Variants in PRICKLE4 observed in about 807,000 individuals in gnomAD.
The protein encoded by PRICKLE4 is prickle-like protein 4.
PRICKLE4 carries 40 observed loss-of-function variants against 43.5 expected under a neutral mutation model. That is an observed-to-expected ratio of 0.92 (90% CI 0.71 to 1.20). PRICKLE4 has a LOEUF of 1.20. Ranked by LOEUF, PRICKLE4 falls within the 50% of genes most tolerant of loss-of-function variation. The probability of loss-of-function intolerance (pLI) is 0.00; values close to 1 mark genes in which losing one functional copy is unlikely to be tolerated. For missense variants in PRICKLE4, 527 were observed against 491.2 expected (o/e 1.07, Z -0.69); for synonymous variants, 208 against 197.4 (o/e 1.05, Z -0.45).
chr6:41,784,871 C>T (rs1772613352), intron 4 of PRICKLE4, 64 bp from the exon 5 acceptor site: 1 of 1,594,682 alleles, frequency 6.3e-7, no homozygotes, highest in Non-Finnish European at 8.5e-7. Context: ...CCTTTTTCCT[C>T]CAACCAATGC....
Position 41,786,949 on chromosome 6 carries a change from A to T in PRICKLE4, c.975A>T (p.Gln325His). The change falls in exon 8 of 8, where the codon CAA (glutamine) becomes CAT (histidine). Residue 325 changes from glutamine (Q) to histidine (H), a missense_variant. Coordinates refer to ENST00000458694, the MANE Select transcript of PRICKLE4 (RefSeq NM_013397.6). ...CGGAGGCACCCAAAGGGCAGGAGCA[A>T]TGCCGCCTGGAGACTATTCGTGATC... ...DKAEAPKGQE[Q>H]CRLETIRDPK... is the part of the protein sequence containing the mutation. 1 of 1,614,054 alleles carries T rather than the reference A, an allele frequency of 6.2e-7. No homozygotes were observed. The highest frequency in any genetic ancestry group is 8.5e-7 in the Non-Finnish European group (1 of 1,179,970).
At chr6:41,783,862 G>A (rs991732650) in intron 3 of PRICKLE4, 26 of 744,024 alleles carry the variant, frequency 3.5e-5, no homozygotes, top group Admixed American at 1.2e-4. Flanking sequence ...GCCCCAAGGC[G>A]TGAAGGGGGT....
intron 4 of PRICKLE4, chr6:41,784,657 T>C: frequency 1.9e-6 from 1 of 525,380 alleles, no homozygotes; most frequent in Non-Finnish European, 3.3e-6. Flanking sequence ...ACTGAGCTCT[T>C]AGCTCATTGG....
rs747041326 is a variant in PRICKLE4 at position 41,783,448 on chromosome 6, T to C, written c.-12-14T>C. Reference sequence around the variant, plus strand: ...GGCCTAATACATGGAGGTGTTCTTATTGTTTTGGGGTAGGCTTTGCCACAA... The same window carrying C: ...GGCCTAATACATGGAGGTGTTCTTACTGTTTTGGGGTAGGCTTTGCCACAA... On this transcript the variant is annotated splice_polypyrimidine_tract_variant and intron_variant, in intron 2 of 7. Coordinates refer to ENST00000458694, the MANE Select transcript of PRICKLE4 (RefSeq NM_013397.6). 7 of 1,468,044 alleles carry C rather than the reference T, an allele frequency of 4.8e-6. No individual in the cohort carries two copies. Among genetic ancestry groups the C allele is most frequent in the South Asian group, 2.4e-5 (2 of 83,014 alleles). 90.9% of individuals were successfully genotyped at this position (1,468,044 alleles called of 1,614,324 possible).
chr6:41,787,068 C>T lies in PRICKLE4; in HGVS notation c.1094C>T (p.Thr365Ile). ...GAGCGCCTTCCCCAGTCCTGGAAGA[C>T]CCCCGGAAGCCTCCAAGCAGAGGAC... Reference protein sequence around the residue: ...LGERLPQSWKTPGSLQAEDSN... With the variant: ...LGERLPQSWKIPGSLQAEDSN... Residue 365 changes from threonine (T) to isoleucine (I), a missense_variant, in exon 8 of 8, where the codon ACC becomes ATC. Coordinates refer to ENST00000458694, the MANE Select transcript of PRICKLE4 (RefSeq NM_013397.6). 3 of 1,613,138 alleles carry T rather than the reference C, an allele frequency of 1.9e-6. No homozygotes were observed. The highest frequency in any genetic ancestry group is 1.7e-4 in the Middle Eastern group (1 of 6,060).
chr6:41,783,662 C>A (rs887215398), intron 3 of PRICKLE4, 57 bp downstream of exon 3: 6 of 1,612,090 alleles, frequency 3.7e-6, no homozygotes, highest in South Asian at 1.1e-5. Flanking sequence ...TGTGGAGTGG[C>A]CACCCTTTTC....
chr6:41,783,734 G>A (rs774065173), intron 3 of PRICKLE4, 129 bp downstream of exon 3: 3 of 1,352,522 alleles, frequency 2.2e-6, no homozygotes, highest in East Asian at 2.4e-5. Flanking sequence ...CTCTTTTCAG[G>A]AATTCCTGTC....
intron 3 of PRICKLE4, 77 bp from the exon 4 acceptor site, chr6:41,784,054 G>A: frequency 1.9e-6 from 2 of 1,065,914 alleles, no homozygotes; most frequent in African/African-American, 1.6e-5. Context: ...AGAAGAGGTG[G>A]CAATGATGAG....
At chr6:41,786,061 G>T in intron 6 of PRICKLE4, 67 bp from the exon 7 acceptor site, 5 of 1,512,198 alleles carry the variant, frequency 3.3e-6, no homozygotes, top group Non-Finnish European at 4.6e-6. Flanking sequence ...TAAAAGGCGT[G>T]GTTACTGGAT....
rs868212923 is a variant in PRICKLE4 at position 41,787,378 on chromosome 6, C to A, written c.*249C>A. The A allele has an allele frequency of 1.6e-6, 1 of 630,680 alleles. No individual in the cohort carries two copies. The highest frequency in any genetic ancestry group is 2.7e-6 in the Non-Finnish European group (1 of 376,312). The allele number at this position is 630,680 out of a possible 1,614,324, so 39.1% of individuals were successfully genotyped here. On this transcript the variant is annotated 3_prime_UTR_variant, in exon 8 of 8. Transcript: ENST00000458694. ...CCCCTGCTGAGATAGCCCCTACCCC[C>A]ACCTCCACAGGCTGGGACAGCCCCG...
At chr6:41,786,611 G>A (rs1482655233) in intron 7 of PRICKLE4, 151 bp from the exon 8 acceptor site, 1 of 1,322,618 alleles carries the variant, frequency 7.6e-7, no homozygotes, top group Non-Finnish European at 1.0e-6. Flanking sequence ...GGTGGAGGCG[G>A]GGGACCCTGG....
At chr6:41,783,665 C>T in intron 3 of PRICKLE4, 60 bp downstream of exon 3, 1 of 1,612,422 alleles carries the variant, frequency 6.2e-7, no homozygotes, top group Non-Finnish European at 8.5e-7. Flanking sequence ...GGAGTGGCCA[C>T]CCTTTTCCAC....
intron 2 of PRICKLE4, among the ~76,000 whole-genome samples, chr6:41,781,877 A>G (rs569506059): frequency 6.6e-6 from 1 of 152,300 alleles, no homozygotes; most frequent in East Asian, 1.9e-4. Context: ...TATATTATGT[A>G]ATATTCTAGA....
In PRICKLE4 at chr6:41,786,872, A is replaced by G; in HGVS notation, c.898A>G (p.Arg300Gly). ...AAGGSSLQTQ[R>G]GLPGSSPQQE... The stretch of plus-strand genomic sequence containing the variant: ...CGGCGGTTCCAGCCTGCAAACTCAG[A>G]GGGGGCTGCCTGGATCCAGTCCCCA... Residue 300 changes from arginine to glycine, a missense_variant, in exon 8 of 8, where the codon AGG becomes GGG. Arg to Gly is a moderately radical substitution (Grantham distance 125, BLOSUM62 -2). Transcript: ENST00000458694. 2 of 1,606,092 alleles carry G rather than the reference A, an allele frequency of 1.2e-6. No individual in the cohort carries two copies. The highest frequency in any genetic ancestry group is 1.7e-6 in the Non-Finnish European group (2 of 1,174,866).
At chr6:41,782,450 C>A (rs1488293727) in intron 2 of PRICKLE4, among the ~76,000 whole-genome samples, 1 of 129,214 alleles carries the variant, frequency 7.7e-6, no homozygotes, top group Non-Finnish European at 1.6e-5. Flanking sequence ...AGTGCAGTGG[C>A]GCGATCTTGG....
chr6:41,784,496 C>T lies in PRICKLE4; in HGVS notation c.240+258C>T, dbSNP rs570389541. On this transcript the variant is annotated intron_variant, in intron 4 of 7. Transcript: ENST00000458694. The stretch of plus-strand genomic sequence containing the variant: ...AAATGGACATGAACGACTTTTGAAA[C>T]GGATAATGGAATGTACAAATGTAGA... 1.2e-4 allele frequency among the ~76,000 whole-genome samples: 18 copies of T among 152,304 alleles called. No individual in the cohort carries two copies. The East Asian group carries it at 2.1e-3, about 18-fold the overall frequency.
chr6:41,785,829 G>C (rs568934050), intron 6 of PRICKLE4, among the ~76,000 whole-genome samples: 8 of 152,154 alleles, frequency 5.3e-5, no homozygotes, highest in Non-Finnish European at 1.2e-4. Context: ...AGTAGATGCC[G>C]AGTGCCCAGT....
At chr6:41,782,652 G>A (rs6925323) in intron 2 of PRICKLE4, among the ~76,000 whole-genome samples, 84,670 of 150,660 alleles carry the variant, frequency 0.56, 23,911 homozygotes, top group Admixed American at 0.64. Context: ...TCGGCCTCCC[G>A]GAGTGCTGGG....
At chr6:41,785,651 A>C in intron 6 of PRICKLE4, 111 bp downstream of exon 6, 1 of 1,162,108 alleles carries the variant, frequency 8.6e-7, no homozygotes, top group Non-Finnish European at 1.2e-6. Context: ...AGTGGGGAGA[A>C]GTAGGAACCA....
Sources: allele counts gnomAD v4.1 joint callset (sites outside exome capture counted in the v4.1 genomes callset), GRCh38; gene constraint gnomAD v4.1.1; transcripts MANE v1.5; gene names NCBI Gene and HGNC (gene_info 2026-07-23, HGNC 2026-07-21).